CDH13: variants seen among roughly 807,000 people sequenced by gnomAD.
CDH13 encodes the protein cadherin-13.
In CDH13, 24 loss-of-function variants were observed where a neutral mutation model predicts 63.8. That is an observed-to-expected ratio of 0.38 (90% CI 0.27 to 0.53). The LOEUF is 0.53. Among genes scored for constraint, CDH13 ranks in the 20% least tolerant of loss-of-function variants. The pLI, the probability that CDH13 is intolerant of heterozygous loss-of-function variation, is 0.85. For missense variants in CDH13, 1,049 were observed against 903.1 expected (o/e 1.16, Z -2.07); for synonymous variants, 503 against 355.3 (o/e 1.42, Z -4.67).
At chr16:82,847,771 C>T (rs903950409) in intron 1 of CDH13, among the ~76,000 whole-genome samples, 1 of 152,198 alleles carries the variant, frequency 6.6e-6, no homozygotes, top group Non-Finnish European at 1.5e-5. Context: ...CATGTGAAGG[C>T]CATTCACTCT....
chr16:82,797,110 T>G (rs1392152462), intron 1 of CDH13, among the ~76,000 whole-genome samples: 1 of 152,242 alleles, frequency 6.6e-6, no homozygotes, highest in Non-Finnish European at 1.5e-5. Context: ...GAGCAAAGTC[T>G]AGATGAAATG....
rs547055858 is a variant in CDH13, at chr16:83,074,248, T to C, written c.366+42030T>C. ...TGAGTGAGCATGTGCGATATTTCTC[T>C]TTCTGTGTCTGGCATATTTCATTTG... On this transcript the variant is annotated intron_variant, in intron 3 of 13. Transcript: ENST00000567109. 7.8e-4 allele frequency among the ~76,000 whole-genome samples: 119 copies of C among 152,332 alleles called. 1 individual carries two copies. Among genetic ancestry groups the C allele is most frequent in the African/African-American group, 2.8e-3 (115 of 41,576 alleles).
chr16:83,232,606 C>T (rs1231568746), intron 5 of CDH13, among the ~76,000 whole-genome samples: 5 of 151,812 alleles, frequency 3.3e-5, no homozygotes, highest in African/African-American at 1.2e-4. Flanking sequence ...TTGCTCTTGC[C>T]TTTGCCATGT....
intron 11 of CDH13, among the ~76,000 whole-genome samples, chr16:83,779,732 C>T (rs1188136569): frequency 1.3e-5 from 2 of 151,946 alleles, no homozygotes; most frequent in Non-Finnish European, 2.9e-5. Flanking sequence ...GTGGCGTGCA[C>T]CTGTGGTCCC....
At chr16:82,791,008 C>T (rs536304674) in intron 1 of CDH13, among the ~76,000 whole-genome samples, 6 of 152,138 alleles carry the variant, frequency 3.9e-5, no homozygotes, top group Admixed American at 2.6e-4. Context: ...GAGGCCGAGG[C>T]GGGCAGATCA....
intron 2 of CDH13, among the ~76,000 whole-genome samples, chr16:82,973,770 C>T (rs191798061): frequency 6.6e-6 from 1 of 152,290 alleles, no homozygotes; most frequent in Admixed American, 6.5e-5. Context: ...CCTAGGCAGC[C>T]ATCAACAAGG....
chr16:83,309,193 G>A (rs1329807924), intron 5 of CDH13, among the ~76,000 whole-genome samples: 3 of 152,136 alleles, frequency 2.0e-5, no homozygotes, highest in South Asian at 4.1e-4. Context: ...GCGTTATACC[G>A]AGTGCTTGCC....
intron 6 of CDH13, among the ~76,000 whole-genome samples, chr16:83,419,511 TA>T (rs776758701): frequency 4.5e-4 from 69 of 152,334 alleles, no homozygotes; most frequent in Non-Finnish European, 7.3e-4. Flanking sequence ...CCAAGTTCTA[TA>T]ATGATAGCCA....
At chr16:83,410,551 A>T (rs1242714842) in intron 6 of CDH13, among the ~76,000 whole-genome samples, 1 of 151,946 alleles carries the variant, frequency 6.6e-6, no homozygotes, top group Admixed American at 6.6e-5. Flanking sequence ...GGCAATACCC[A>T]CCCCCTATAT....
intron 1 of CDH13, among the ~76,000 whole-genome samples, chr16:82,699,875 A>G (rs569955694): frequency 6.6e-6 from 1 of 152,384 alleles, no homozygotes; most frequent in East Asian, 1.9e-4. Context: ...GAAGGTCCAC[A>G]TGGGTGACAC....
At chr16:82,974,867 T>A (rs894186613) in intron 2 of CDH13, among the ~76,000 whole-genome samples, 2 of 152,218 alleles carry the variant, frequency 1.3e-5, no homozygotes, top group African/African-American at 2.4e-5. Context: ...TATAAAATAA[T>A]ACATTTGTGT....
intron 5 of CDH13, among the ~76,000 whole-genome samples, chr16:83,316,469 C>G (rs1462960099): frequency 1.3e-5 from 2 of 152,200 alleles, no homozygotes; most frequent in African/African-American, 2.4e-5. Context: ...ACCGCTAGAG[C>G]TGGAGATCAG....
intron 5 of CDH13, among the ~76,000 whole-genome samples, chr16:83,232,027 T>TGGAC (rs974522022): frequency 1.3e-5 from 2 of 150,360 alleles, no homozygotes; most frequent in Admixed American, 6.7e-5. Context: ...TGAGAACACA[T>TGGAC]GGACACAAGG....
intron 2 of CDH13, among the ~76,000 whole-genome samples, chr16:82,989,286 C>G (rs1911355829): frequency 6.6e-6 from 1 of 152,154 alleles, no homozygotes. Context: ...GTCTGCATCC[C>G]TGGGTGTCCT....
In CDH13 at chr16:83,678,179, A is replaced by C. The variant is rs201174629; in HGVS notation, c.1285-29A>C. On this transcript the variant is annotated intron_variant, in intron 9 of 13. Transcript: ENST00000567109. ...CACCTGCCTTTTGTGGCTGGTGTGC[A>C]TCCTGAGACCCTTCTGTCTGCTTTC... 420 of 1,583,496 alleles carry C rather than the reference A, an allele frequency of 2.7e-4. 4 individuals are homozygous for C. The East Asian group carries it at 4.3e-3, about 16-fold the overall frequency.
chr16:82,698,861 G>T (rs2030653372), intron 1 of CDH13, among the ~76,000 whole-genome samples: 1 of 152,120 alleles, frequency 6.6e-6, no homozygotes, highest in South Asian at 2.1e-4. Flanking sequence ...TTTAGACTTT[G>T]GGGCCACGTA....
rs1195454551 is a variant in CDH13 at position 83,671,579 on chromosome 16, ACATTTG to A, written c.1284+609_1284+614del. Among the ~76,000 whole-genome samples the A allele has an allele frequency of 2.0e-5, 3 of 152,180 alleles. No individual in the cohort carries two copies. The East Asian group carries it at 5.8e-4, about 29-fold the overall frequency. ...TTAAGTTTTAAATGAAATTCTTTATACATTTGCTAAGGAATTATTAACAGATATGCC... is the reference window on the plus strand; with the variant it reads ...TTAAGTTTTAAATGAAATTCTTTATACTAAGGAATTATTAACAGATATGCC... On this transcript the variant is annotated intron_variant, in intron 9 of 13. Coordinates refer to ENST00000567109, the MANE Select transcript of CDH13 (RefSeq NM_001257.5).
chr16:83,037,131 C>T (rs1057195211), intron 3 of CDH13, among the ~76,000 whole-genome samples: 2 of 152,112 alleles, frequency 1.3e-5, no homozygotes, highest in Admixed American at 6.5e-5. Context: ...ACTAGAGCTA[C>T]TAGTTGAAAT....
At chr16:82,744,155 C>G (rs1293778670) in intron 1 of CDH13, among the ~76,000 whole-genome samples, 2 of 152,156 alleles carry the variant, frequency 1.3e-5, no homozygotes, top group Non-Finnish European at 2.9e-5. Context: ...GTTCAGTTGA[C>G]AGAGATAGGA....
Sources: allele counts gnomAD v4.1 joint callset (sites outside exome capture counted in the v4.1 genomes callset), GRCh38; gene constraint gnomAD v4.1.1; transcripts MANE v1.5; gene names NCBI Gene and HGNC (gene_info 2026-07-23, HGNC 2026-07-21).